The following HIP1 variants were observed in gnomAD, a reference collection of about 807,000 sequenced individuals.
HIP1 encodes the protein huntingtin interacting protein 1, also known as huntingtin-interacting protein 1.
A neutral mutation model predicts 147.6 loss-of-function variants in HIP1; 65 were observed. That is an observed-to-expected ratio of 0.44 (90% CI 0.36 to 0.54). The LOEUF is 0.54. HIP1 is among the 20% of genes least tolerant of loss of function. The probability of loss-of-function intolerance (pLI) is 0.00; values close to 1 mark genes in which losing one functional copy is unlikely to be tolerated. For synonymous variants in HIP1, 479 were observed against 504.0 expected, an observed-to-expected ratio of 0.95 and a Z score of 0.67; for missense variants, 1,061 against 1,299.6, an observed-to-expected ratio of 0.82 and a Z score of 2.82.
intron 1 of HIP1, among the ~76,000 whole-genome samples, chr7:75,649,072 T>G (rs1554511532): frequency 6.6e-6 from 1 of 152,108 alleles, no homozygotes; most frequent in Non-Finnish European, 1.5e-5. Context: ...TTACCCAGGC[T>G]GGAGTGCAAT....
At chr7:75,561,276 C>T in intron 13 of HIP1, 53 bp downstream of exon 13, 1 of 1,260,718 alleles carries the variant, frequency 7.9e-7, no homozygotes, top group Non-Finnish European at 1.2e-6. Flanking sequence ...ATTTAACATT[C>T]AAATCTACCG....
At chr7:75,686,142 G>C (rs537356245) in intron 1 of HIP1, among the ~76,000 whole-genome samples, 1 of 151,918 alleles carries the variant, frequency 6.6e-6, no homozygotes, top group South Asian at 2.1e-4. Context: ...CACCTGCCTC[G>C]GCCTCCCAAA....
intron 1 of HIP1, among the ~76,000 whole-genome samples, chr7:75,676,947 C>A (rs1554516128): frequency 6.6e-6 from 1 of 152,084 alleles, no homozygotes; most frequent in Non-Finnish European, 1.5e-5. Context: ...GTAACCCCAG[C>A]ACTTTGGGAG....
chr7:75,622,050 GA>G (rs1192763705), intron 1 of HIP1, among the ~76,000 whole-genome samples: 18 of 151,652 alleles, frequency 1.2e-4, no homozygotes, highest in Non-Finnish European at 2.1e-4. Flanking sequence ...TTGGGAGGCC[GA>G]GGTGGGCAGA....
In HIP1 at chr7:75,534,675, C is replaced by T. The variant is rs905064769; in HGVS notation, c.*3497G>A. ...TCTTGAACTCCTGACCTCAGGTGATCCACCCGCCCCTGCCTCCCAAAGTGC... is the reference window on the plus strand; with the variant it reads ...TCTTGAACTCCTGACCTCAGGTGATTCACCCGCCCCTGCCTCCCAAAGTGC... On this transcript the variant is annotated 3_prime_UTR_variant, in exon 31 of 31. Transcript: ENST00000336926. The T allele has an allele frequency of 1.1e-5, 2 of 177,890 alleles. No individual in the cohort carries two copies. Among genetic ancestry groups the T allele is most frequent in the African/African-American group, 4.7e-5 (2 of 42,270 alleles). 11.0% of individuals were successfully genotyped at this position (177,890 alleles called of 1,614,324 possible).
chr7:75,634,202 G>A (rs1798341347), intron 1 of HIP1, among the ~76,000 whole-genome samples: 1 of 152,052 alleles, frequency 6.6e-6, no homozygotes, highest in Non-Finnish European at 1.5e-5. Flanking sequence ...CGAGGCTGCA[G>A]TGAGCTGTGA....
intron 1 of HIP1, among the ~76,000 whole-genome samples, chr7:75,651,250 G>A (rs537794713): frequency 6.6e-6 from 1 of 151,900 alleles, no homozygotes; most frequent in Non-Finnish European, 1.5e-5. Context: ...ACGAGGTCAG[G>A]AGTTCGAGAC....
intron 7 of HIP1, 60 bp from the exon 8 acceptor site, chr7:75,573,961 C>T: frequency 6.7e-7 from 1 of 1,483,902 alleles, no homozygotes; most frequent in East Asian, 2.3e-5. Context: ...GCAGCCTCTT[C>T]AGAGGGGCAG....
chr7:75,611,039 G>A (rs1264065299), intron 1 of HIP1, among the ~76,000 whole-genome samples: 1 of 150,898 alleles, frequency 6.6e-6, no homozygotes, highest in Admixed American at 6.6e-5. Context: ...CCCAGTAGCT[G>A]GGATTACAGG....
intron 1 of HIP1, among the ~76,000 whole-genome samples, chr7:75,720,057 G>T (rs536402447): frequency 6.6e-6 from 1 of 152,318 alleles, no homozygotes; most frequent in Non-Finnish European, 1.5e-5. Flanking sequence ...GAAGCTGGTG[G>T]AAGACGATAG....
chr7:75,658,178 T>C (rs1554513050), intron 1 of HIP1, among the ~76,000 whole-genome samples: 4 of 152,078 alleles, frequency 2.6e-5, no homozygotes, highest in Non-Finnish European at 5.9e-5. Flanking sequence ...ACTGCAGCCT[T>C]CACCTCCCGA....
At chr7:75,627,443 C>T (rs1554508178) in intron 1 of HIP1, among the ~76,000 whole-genome samples, 1 of 152,136 alleles carries the variant, frequency 6.6e-6, no homozygotes, top group African/African-American at 2.4e-5. Flanking sequence ...GCCTTGACCA[C>T]TCTGAAATAC....
At chr7:75,571,580 TTTTA>T (rs1795634398) in intron 8 of HIP1, among the ~76,000 whole-genome samples, 1 of 152,128 alleles carries the variant, frequency 6.6e-6, no homozygotes, top group Non-Finnish European at 1.5e-5. Flanking sequence ...TACTACTTTA[TTTTA>T]TTTATTTTAT....
intron 21 of HIP1, 28 bp downstream of exon 21, chr7:75,554,085 G>A: frequency 6.4e-7 from 1 of 1,567,492 alleles, no homozygotes; most frequent in African/African-American, 1.3e-5. Context: ...CCTGGTCCAT[G>A]AACAGCCCCT....
intron 17 of HIP1, 30 bp from the exon 18 acceptor site, chr7:75,556,199 G>A (rs1416984531): frequency 4.3e-6 from 7 of 1,610,176 alleles, no homozygotes; most frequent in Non-Finnish European, 5.9e-6. Context: ...GAAAGAGGGA[G>A]ACGCTGGTTG....
intron 13 of HIP1, among the ~76,000 whole-genome samples, chr7:75,560,718 A>G (rs1322862717): frequency 1.3e-5 from 2 of 152,176 alleles, no homozygotes; most frequent in Non-Finnish European, 2.9e-5. Flanking sequence ...ATGACAGAGA[A>G]CACGGGAAGA....
intron 7 of HIP1, among the ~76,000 whole-genome samples, chr7:75,577,332 C>CAAA (rs61299057): frequency 4.1e-5 from 4 of 96,878 alleles, no homozygotes; most frequent in South Asian, 3.5e-4. Context: ...ATCCCATCTC[C>CAAA]AAAAAAAAAA....
chr7:75,673,254 C>T (rs536036939), intron 1 of HIP1, among the ~76,000 whole-genome samples: 20 of 152,158 alleles, frequency 1.3e-4, no homozygotes, highest in African/African-American at 4.3e-4. Flanking sequence ...AACTCCTGAC[C>T]TCAAGTGATC....
At chr7:75,562,801 G>A in intron 11 of HIP1, 134 bp downstream of exon 11, 1 of 833,292 alleles carries the variant, frequency 1.2e-6, no homozygotes, top group South Asian at 1.7e-5. Flanking sequence ...CTCAGCCTAG[G>A]TTGGTGCTAG....
Sources: gnomAD v4.1 joint callset for allele counts (sites outside exome capture counted in the v4.1 genomes callset) on GRCh38, gnomAD v4.1.1 for gene constraint, MANE v1.5 for transcripts, NCBI Gene and HGNC (gene_info 2026-07-23, HGNC 2026-07-21) for gene names.